Variants in PTPRD observed in about 807,000 individuals in gnomAD.
The protein encoded by PTPRD is protein tyrosine phosphatase receptor type D.
A neutral mutation model predicts 214.5 loss-of-function variants in PTPRD; 34 were observed. The observed-to-expected ratio is 0.16, with a 90% confidence interval of 0.12 to 0.21. PTPRD has a LOEUF of 0.21. PTPRD is among the 10% of genes least tolerant of loss of function. The pLI, the probability that PTPRD is intolerant of heterozygous loss-of-function variation, is 1.00. For synonymous variants in PTPRD, 1,128 were observed against 845.7 expected, an observed-to-expected ratio of 1.33 and a Z score of -5.79; for missense variants, 2,545 against 2,398.7, an observed-to-expected ratio of 1.06 and a Z score of -1.27.
chr9:8,880,962 T>A (rs2098440975), intron 11 of PTPRD, among the ~76,000 whole-genome samples: 1 of 152,114 alleles, frequency 6.6e-6, no homozygotes, highest in Admixed American at 6.5e-5. Context: ...AGACAGGGTT[T>A]CGCCATGTTC....
In PTPRD at chr9:9,808,067, T is replaced by C. The variant is rs1598401314; in HGVS notation, c.-367-41216A>G. Among the ~76,000 whole-genome samples, 4 of 152,292 alleles carry C rather than the reference T, an allele frequency of 2.6e-5. No homozygotes were observed. The South Asian group carries it at 8.3e-4, about 32-fold the overall frequency. On this transcript the variant is annotated intron_variant, in intron 5 of 45. Coordinates refer to ENST00000381196, the MANE Select transcript of PTPRD (RefSeq NM_002839.4). ...AACCAAAATAGGCAACTATCCAGCTTGAGAATATATGAATATATGAGATTA... is the reference window on the plus strand; with the variant it reads ...AACCAAAATAGGCAACTATCCAGCTCGAGAATATATGAATATATGAGATTA...
chr9:8,361,385 G>A (rs982172495), intron 39 of PTPRD, among the ~76,000 whole-genome samples: 1 of 152,100 alleles, frequency 6.6e-6, no homozygotes, highest in Non-Finnish European at 1.5e-5. Context: ...GACAATTTGG[G>A]GTACAAGCTT....
intron 3 of PTPRD, among the ~76,000 whole-genome samples, chr9:10,185,091 A>G (rs1423093737): frequency 6.6e-6 from 1 of 152,224 alleles, no homozygotes; most frequent in African/African-American, 2.4e-5. Flanking sequence ...TATTTAAAAA[A>G]AATCTACCAG....
At chr9:9,793,982 A>C (rs1409498200) in intron 5 of PTPRD, among the ~76,000 whole-genome samples, 1 of 152,056 alleles carries the variant, frequency 6.6e-6, no homozygotes, top group Admixed American at 6.6e-5. Context: ...TAAGAAATAA[A>C]AAGACTTAAT....
intron 7 of PTPRD, among the ~76,000 whole-genome samples, chr9:9,628,040 T>C (rs950586961): frequency 4.6e-5 from 7 of 152,192 alleles, no homozygotes; most frequent in African/African-American, 1.7e-4. Flanking sequence ...ATTTGTATAT[T>C]TGCATTTAAC....
rs186094732 is a variant in PTPRD at position 8,403,514 on chromosome 9, T to C, written c.4210+1023A>G. Among the ~76,000 whole-genome samples the C allele has an allele frequency of 9.5e-4, 144 of 152,334 alleles. 1 individual carries two copies. Among genetic ancestry groups the C allele is most frequent in the African/African-American group, 3.4e-3 (141 of 41,578 alleles). ...GACTTTCCAATCCAATGTGCTCCTG[T>C]AGCCAGAGTAACTAATGAAATACTG... On this transcript the variant is annotated intron_variant, in intron 36 of 45. Coordinates refer to ENST00000381196, the MANE Select transcript of PTPRD (RefSeq NM_002839.4).
At chr9:8,956,247 G>T (rs1255723327) in intron 11 of PTPRD, among the ~76,000 whole-genome samples, 1 of 151,716 alleles carries the variant, frequency 6.6e-6, no homozygotes, top group Non-Finnish European at 1.5e-5. Context: ...AAACAGCCAT[G>T]AATAAAGTCT....
At chr9:9,547,854 C>G (rs1054933002) in intron 8 of PTPRD, among the ~76,000 whole-genome samples, 4 of 145,708 alleles carry the variant, frequency 2.7e-5, no homozygotes, top group African/African-American at 1.0e-4. Flanking sequence ...ATATAATAAG[C>G]AAATTGCTAA....
At chr9:8,740,851 C>T (rs1484858266) in intron 11 of PTPRD, among the ~76,000 whole-genome samples, 2 of 152,090 alleles carry the variant, frequency 1.3e-5, no homozygotes, top group African/African-American at 4.8e-5. Context: ...ATGAAGACCC[C>T]AGGGGACTAT....
At chr9:10,154,146 CTTT>C (rs1035008915) in intron 3 of PTPRD, among the ~76,000 whole-genome samples, 4 of 152,096 alleles carry the variant, frequency 2.6e-5, no homozygotes, top group African/African-American at 9.7e-5. Context: ...AATTTTTTGA[CTTT>C]TTAACTATAG....
At chr9:9,734,874 G>C (rs1394537400) in intron 6 of PTPRD, among the ~76,000 whole-genome samples, 2 of 151,968 alleles carry the variant, frequency 1.3e-5, no homozygotes, top group Non-Finnish European at 2.9e-5. Flanking sequence ...TCAAAGAAGG[G>C]AGATTATTAT....
chr9:9,535,992 T>C (rs2076448028), intron 8 of PTPRD, among the ~76,000 whole-genome samples: 1 of 152,044 alleles, frequency 6.6e-6, no homozygotes, highest in Non-Finnish European at 1.5e-5. Flanking sequence ...AGAAAGGTAA[T>C]GTCATATCAA....
chr9:9,078,088 T>C (rs758003407), intron 10 of PTPRD, among the ~76,000 whole-genome samples: 24 of 152,080 alleles, frequency 1.6e-4, no homozygotes, highest in Non-Finnish European at 3.2e-4. Context: ...AAGACCTTCA[T>C]ATAACATTTG....
chr9:9,889,463 A>G (rs2072387102), intron 5 of PTPRD, among the ~76,000 whole-genome samples: 2 of 152,184 alleles, frequency 1.3e-5, no homozygotes, highest in Admixed American at 6.6e-5. Flanking sequence ...CAACTCCTAC[A>G]CTGAGATACA....
At chr9:9,985,805 TA>T (rs2095690478) in intron 4 of PTPRD, among the ~76,000 whole-genome samples, 1 of 151,952 alleles carries the variant, frequency 6.6e-6, no homozygotes, top group Non-Finnish European at 1.5e-5. Context: ...TTTATATTAT[TA>T]ATGAGTTATC....
intron 3 of PTPRD, among the ~76,000 whole-genome samples, chr9:10,160,394 T>A (rs1391960115): frequency 6.6e-6 from 1 of 152,036 alleles, no homozygotes; most frequent in African/African-American, 2.4e-5. Context: ...ATCTGTTGGC[T>A]TCACTGCTGA....
In PTPRD at chr9:8,937,809, G is replaced by C. The variant is rs560710524; in HGVS notation, c.-104+80888C>G. Among the ~76,000 whole-genome samples, 6 of 152,294 alleles carry C rather than the reference G, an allele frequency of 3.9e-5. No individual in the cohort carries two copies. In the South Asian group the frequency reaches 1.2e-3, roughly 32 times the overall value. On this transcript the variant is annotated intron_variant, in intron 11 of 45. Coordinates refer to ENST00000381196, the MANE Select transcript of PTPRD (RefSeq NM_002839.4). ...ATTATTTTAGAACACTCAGAGAGGA[G>C]AATTAAAGGGTCAAGAATCTTGTGG...
chr9:10,298,751 A>C (rs1000947871), intron 3 of PTPRD, among the ~76,000 whole-genome samples: 1 of 152,044 alleles, frequency 6.6e-6, no homozygotes, highest in Admixed American at 6.6e-5. Flanking sequence ...CATATCTAAC[A>C]AATATAATAA....
chr9:8,838,220 A>C (rs573544670), intron 11 of PTPRD, among the ~76,000 whole-genome samples: 1 of 151,978 alleles, frequency 6.6e-6, no homozygotes, highest in Non-Finnish European at 1.5e-5. Context: ...CCAGAAACAG[A>C]TCTTAAAACA....
Sources: gnomAD v4.1 joint callset for allele counts (sites outside exome capture counted in the v4.1 genomes callset) on GRCh38, gnomAD v4.1.1 for gene constraint, MANE v1.5 for transcripts, NCBI Gene and HGNC (gene_info 2026-07-23, HGNC 2026-07-21) for gene names.